The following RNF214 variants were observed in gnomAD, a reference collection of about 807,000 sequenced individuals.
RNF214 encodes the protein ring finger protein 214.
Under a neutral mutation model 75.9 loss-of-function variants are expected in RNF214, and 25 were observed. The observed-to-expected ratio is 0.33, with a 90% confidence interval of 0.24 to 0.46. The LOEUF is 0.46. Ranked by LOEUF, RNF214 falls within the 20% of genes least tolerant of loss-of-function variation. The probability of loss-of-function intolerance (pLI) is 1.00; values close to 1 mark genes in which losing one functional copy is unlikely to be tolerated. For missense variants in RNF214, 725 were observed against 857.5 expected (o/e 0.85, Z 1.93); for synonymous variants, 314 against 308.8 (o/e 1.02, Z -0.18).
chr11:117,266,618 C>T (rs923959763), intron 6 of RNF214, among the ~76,000 whole-genome samples: 1 of 152,054 alleles, frequency 6.6e-6, no homozygotes, highest in African/African-American at 2.4e-5. Flanking sequence ...TGTTGGCCTC[C>T]CAAAGCGCTG....
In RNF214 at chr11:117,280,023, A is replaced by T. The variant is rs1180768135; in HGVS notation, c.1056+19A>T. On this transcript the variant is annotated intron_variant, in intron 7 of 14. Coordinates refer to ENST00000300650, the MANE Select transcript of RNF214 (RefSeq NM_207343.4). ...GGCAGAGGTGAGAAGAGGAGCTGAT[A>T]TCTTGAAAGTCTTAGTTTCAGGCTT... 1 of 1,588,426 alleles carries T rather than the reference A, an allele frequency of 6.3e-7. No homozygotes were observed. Among genetic ancestry groups the T allele is most frequent in the Admixed American group, 1.7e-5 (1 of 58,098 alleles).
At chr11:117,243,623 T>C (rs1287648773) in intron 4 of RNF214, among the ~76,000 whole-genome samples, 1 of 152,276 alleles carries the variant, frequency 6.6e-6, no homozygotes, top group East Asian at 1.9e-4. Context: ...CTTCAAATTT[T>C]AGTGTCCCTT....
intron 6 of RNF214, among the ~76,000 whole-genome samples, chr11:117,251,153 G>A (rs934778669): frequency 6.6e-6 from 1 of 150,514 alleles, no homozygotes; most frequent in Admixed American, 6.6e-5. Flanking sequence ...CGGGGTGGTG[G>A]CCTGGCAGAG....
rs2033015855 is a variant in RNF214 at position 117,239,609 on chromosome 11, G to C, written c.619-192G>C. ...CATTGGGTCTTGTTTGGGTTATTTT[G>C]TGGGACCGATGATTAATGCAGCGTG... On this transcript the variant is annotated intron_variant, in intron 3 of 14. Transcript: ENST00000300650. 2.2e-5 allele frequency: 13 copies of C among 580,008 alleles called. 1 individual carries two copies. The South Asian group carries it at 2.5e-4, about 11-fold the overall frequency. The allele number at this position is 580,008 out of a possible 1,614,324, so 35.9% of individuals were successfully genotyped here.
intron 6 of RNF214, among the ~76,000 whole-genome samples, chr11:117,260,564 T>C (rs1459971008): frequency 6.6e-6 from 1 of 151,954 alleles, no homozygotes; most frequent in African/African-American, 2.4e-5. Context: ...TCCCAGCACT[T>C]TGGGAGGTCA....
chr11:117,264,118 C>T (rs1488321575), intron 6 of RNF214, among the ~76,000 whole-genome samples: 1 of 152,038 alleles, frequency 6.6e-6, no homozygotes. Flanking sequence ...GTCAGGAGAT[C>T]GAGACCATCC....
At chr11:117,247,766 G>T (rs545975002) in intron 6 of RNF214, among the ~76,000 whole-genome samples, 1 of 151,390 alleles carries the variant, frequency 6.6e-6, no homozygotes, top group Non-Finnish European at 1.5e-5. Context: ...CAGGGGAATC[G>T]CTTGAATCCA....
intron 6 of RNF214, among the ~76,000 whole-genome samples, chr11:117,275,773 A>G (rs2034004729): frequency 6.6e-6 from 1 of 152,210 alleles, no homozygotes; most frequent in African/African-American, 2.4e-5. Context: ...AAGACATCCC[A>G]GGTCCAGATG....
At chr11:117,269,258 T>TA (rs1322055094) in intron 6 of RNF214, among the ~76,000 whole-genome samples, 2 of 151,574 alleles carry the variant, frequency 1.3e-5, no homozygotes, top group African/African-American at 2.4e-5. Context: ...AAATGAAAAA[T>TA]AAAAAAAAGA....
At chr11:117,244,761 G>T (rs1169692635) in intron 5 of RNF214, among the ~76,000 whole-genome samples, 176 bp downstream of exon 5, 2 of 151,756 alleles carry the variant, frequency 1.3e-5, no homozygotes, top group Non-Finnish European at 2.9e-5. Flanking sequence ...TGTCTCCTGG[G>T]CTTAAGTGAT....
At chr11:117,236,023 C>T (rs1249269438) in intron 2 of RNF214, among the ~76,000 whole-genome samples, 1 of 151,908 alleles carries the variant, frequency 6.6e-6, no homozygotes, top group East Asian at 1.9e-4. Context: ...TGCAGTGGTG[C>T]GATCTTGGCT....
At chr11:117,240,287 G>T (rs1263236914) in intron 4 of RNF214, among the ~76,000 whole-genome samples, 1 of 149,458 alleles carries the variant, frequency 6.7e-6, no homozygotes, top group Non-Finnish European at 1.5e-5. Flanking sequence ...AGGATCACCT[G>T]TTCACCTGAG....
chr11:117,276,652 G>A (rs764282150), intron 6 of RNF214, among the ~76,000 whole-genome samples: 1 of 152,180 alleles, frequency 6.6e-6, no homozygotes, highest in Non-Finnish European at 1.5e-5. Context: ...ATTGTTGCAT[G>A]TAGTTCCTTT....
chr11:117,280,273 C>G lies in RNF214; in HGVS notation c.1145+14C>G, dbSNP rs370965524. On this transcript the variant is annotated intron_variant, in intron 8 of 14. Coordinates refer to ENST00000300650, the MANE Select transcript of RNF214 (RefSeq NM_207343.4). ...TACTTACCTCAAGTAAGTACCTTTC[C>G]GTTCTAGAGCTTTAATTGTTTTGCA... 5 of 1,523,688 alleles carry G rather than the reference C, an allele frequency of 3.3e-6. No homozygotes were observed. Among genetic ancestry groups the G allele is most frequent in the Non-Finnish European group, 4.5e-6 (5 of 1,100,962 alleles). 94.4% of individuals were successfully genotyped at this position (1,523,688 alleles called of 1,614,324 possible). A position where few individuals can be genotyped will look rare whatever the true frequency, so the allele number is the denominator to read the frequency against.
intron 6 of RNF214, among the ~76,000 whole-genome samples, chr11:117,264,771 G>A (rs1008269741): frequency 6.6e-6 from 1 of 151,918 alleles, no homozygotes; most frequent in Non-Finnish European, 1.5e-5. Context: ...TTTGTAGACA[G>A]CCTATAATTG....
chr11:117,277,957 G>C (rs1356626574), intron 6 of RNF214, among the ~76,000 whole-genome samples: 1 of 149,410 alleles, frequency 6.7e-6, no homozygotes, highest in Non-Finnish European at 1.5e-5. Context: ...CTGGGCAACA[G>C]ATAGAGACTC....
intron 3 of RNF214, chr11:117,239,455 C>T (rs146727335): frequency 2.2e-6 from 1 of 448,136 alleles, no homozygotes; most frequent in African/African-American, 2.0e-5. Context: ...CTCTGAGTCA[C>T]ATCTTAAGAA....
At chr11:117,267,729 A>C (rs1412862591) in intron 6 of RNF214, among the ~76,000 whole-genome samples, 1 of 148,154 alleles carries the variant, frequency 6.7e-6, no homozygotes, top group African/African-American at 2.5e-5. Flanking sequence ...ATCATGTCTG[A>C]AAAAAAAAAA....
At chr11:117,281,747 G>A in intron 10 of RNF214, 49 bp downstream of exon 10, 1 of 1,523,532 alleles carries the variant, frequency 6.6e-7, no homozygotes, top group South Asian at 1.1e-5. Context: ...GTTGGTAGCA[G>A]CAGCAGAGTC....
Sources: allele counts gnomAD v4.1 joint callset (sites outside exome capture counted in the v4.1 genomes callset), GRCh38; gene constraint gnomAD v4.1.1; transcripts MANE v1.5; gene names NCBI Gene and HGNC (gene_info 2026-07-23, HGNC 2026-07-21).